The following GAB2 variants were observed in gnomAD, a reference collection of about 807,000 sequenced individuals.
GAB2 encodes the protein GRB2-associated-binding protein 2.
Under a neutral mutation model 65.5 loss-of-function variants are expected in GAB2, and 26 were observed. The ratio of observed to expected loss-of-function variants is 0.40; its 90% CI spans 0.29 to 0.55. The LOEUF is 0.55. Among genes scored for constraint, GAB2 ranks in the 20% least tolerant of loss-of-function variants. The pLI is 0.53. For missense variants in GAB2, 884 were observed against 875.8 expected, an observed-to-expected ratio of 1.01 and a Z score of -0.12; for synonymous variants, 321 against 329.6, an observed-to-expected ratio of 0.97 and a Z score of 0.28.
At chr11:78,252,937 C>T (rs957340594) in intron 2 of GAB2, among the ~76,000 whole-genome samples, 11 of 151,504 alleles carry the variant, frequency 7.3e-5, no homozygotes, top group South Asian at 2.1e-4. Context: ...AACCATGTCA[C>T]GTCATTATGT....
At chr11:78,386,651 A>G (rs1856771876) in intron 1 of GAB2, among the ~76,000 whole-genome samples, 1 of 152,128 alleles carries the variant, frequency 6.6e-6, no homozygotes, top group South Asian at 2.1e-4. Context: ...GTTTTCCAAA[A>G]CTGATTTATT....
rs151282334 is a variant in GAB2, at chr11:78,226,797, A to G, written c.875T>C (p.Val292Ala). The G allele has an allele frequency of 3.5e-5, 56 of 1,613,996 alleles. No individual in the cohort carries two copies. The African/African-American group carries it at 7.1e-4, about 20-fold the overall frequency. ...GTTGCTGGGCGTCTTGAAGGTGTAC[A>G]CATCCTCATTATCTGTCTCGGAGCC... The part of the protein sequence containing the change: ...LTGSETDNED[V>A]YTFKTPSNTL... Residue 292 changes from valine (V) to alanine (A), a missense_variant, in exon 4 of 10, where the codon GTG (valine) becomes GCG (alanine). By Grantham distance (64) the Val-to-Ala change is moderately conservative. Coordinates refer to ENST00000361507, the MANE Select transcript of GAB2 (RefSeq NM_080491.3).
chr11:78,307,614 G>GAGAGAGAGAGAGAGAGAGAGAC lies in GAB2; in HGVS notation c.76-26714_76-26713insGTCTCTCTCTCTCTCTCTCTCT, dbSNP rs1554986625. Among the ~76,000 whole-genome samples the GAGAGAGAGAGAGAGAGAGAGAC allele has an allele frequency of 3.3e-5, 5 of 149,592 alleles. 1 individual carries two copies. Among genetic ancestry groups the GAGAGAGAGAGAGAGAGAGAGAC allele is most frequent in the African/African-American group, 1.3e-4 (5 of 39,372 alleles). On this transcript the variant is annotated intron_variant, in intron 1 of 9. Transcript: ENST00000361507. ...CTCTACAAAAAATGTTAGAGAGAGA[G>GAGAGAGAGAGAGAGAGAGAGAC]AGAGAGAGAGAGAGAGAGAGATGTT...
chr11:78,298,105 T>C (rs1191613059), intron 1 of GAB2, among the ~76,000 whole-genome samples: 4 of 152,174 alleles, frequency 2.6e-5, no homozygotes, highest in African/African-American at 7.2e-5. Context: ...AATAATTGCA[T>C]TGAAGTAGGG....
At chr11:78,395,172 G>A (rs999361230) in intron 1 of GAB2, among the ~76,000 whole-genome samples, 1 of 152,216 alleles carries the variant, frequency 6.6e-6, no homozygotes, top group African/African-American at 2.4e-5. Flanking sequence ...AAATCAACCA[G>A]GCCAGGCGCG....
chr11:78,415,961 T>C (rs1035448302), intron 1 of GAB2, among the ~76,000 whole-genome samples: 2 of 150,094 alleles, frequency 1.3e-5, no homozygotes, highest in African/African-American at 2.5e-5. Context: ...TTTTTTTTAC[T>C]GTGGACACTG....
chr11:78,347,713 C>A (rs1177943840), intron 1 of GAB2, among the ~76,000 whole-genome samples: 1 of 152,112 alleles, frequency 6.6e-6, no homozygotes, highest in African/African-American at 2.4e-5. Flanking sequence ...TCTTTGTGAC[C>A]TTTAAGTAAA....
intron 3 of GAB2, among the ~76,000 whole-genome samples, chr11:78,238,883 G>C (rs564299627): frequency 2.3e-4 from 35 of 152,210 alleles, no homozygotes; most frequent in African/African-American, 7.7e-4. Context: ...TATCTGCTAA[G>C]GGTTTAATAT....
intron 1 of GAB2, among the ~76,000 whole-genome samples, chr11:78,393,304 C>T (rs1219810344): frequency 6.6e-6 from 1 of 152,182 alleles, no homozygotes; most frequent in African/African-American, 2.4e-5. Flanking sequence ...TCCAAGTTCC[C>T]TTATTACAAT....
chr11:78,282,778 A>G (rs1236833356), intron 1 of GAB2, among the ~76,000 whole-genome samples: 3 of 117,146 alleles, frequency 2.6e-5, no homozygotes, highest in Middle Eastern at 0.012. Context: ...GGATTTGATT[A>G]TCACAATTCT....
At chr11:78,321,771 C>T (rs868841315) in intron 1 of GAB2, among the ~76,000 whole-genome samples, 7 of 151,674 alleles carry the variant, frequency 4.6e-5, no homozygotes, top group African/African-American at 1.5e-4. Context: ...ACCAACACAG[C>T]ATGGTATTGT....
intron 1 of GAB2, among the ~76,000 whole-genome samples, chr11:78,325,717 A>G (rs1364778751): frequency 1.3e-5 from 2 of 152,202 alleles, no homozygotes; most frequent in East Asian, 1.9e-4. Flanking sequence ...AAGATCTTAC[A>G]TGACTTAGCA....
chr11:78,332,133 T>A (rs1478766558), intron 1 of GAB2, among the ~76,000 whole-genome samples: 1 of 152,096 alleles, frequency 6.6e-6, no homozygotes, highest in Non-Finnish European at 1.5e-5. Flanking sequence ...ACTTGATTCA[T>A]CCCCAAACTG....
rs562731327 is a variant in GAB2, at chr11:78,370,039, C to A, written c.75+47607G>T. Among the ~76,000 whole-genome samples the A allele has an allele frequency of 1.7e-3, 253 of 152,016 alleles. 1 individual carries two copies. Among genetic ancestry groups the A allele is most frequent in the Non-Finnish European group, 3.2e-3 (214 of 67,912 alleles). On this transcript the variant is annotated intron_variant, in intron 1 of 9. Coordinates refer to ENST00000361507, the MANE Select transcript of GAB2 (RefSeq NM_080491.3). ...TTGGGAGGCCGAGGCGGGCGGATCA[C>A]GAGGTCAGGAGATCGAGACCATCCC...
At chr11:78,297,452 T>C (rs947561113) in intron 1 of GAB2, among the ~76,000 whole-genome samples, 3 of 152,090 alleles carry the variant, frequency 2.0e-5, no homozygotes, top group Non-Finnish European at 2.9e-5. Flanking sequence ...ACTTATTCAG[T>C]TCATAAGCAA....
intron 1 of GAB2, among the ~76,000 whole-genome samples, chr11:78,390,519 G>A (rs1185779376): frequency 1.3e-5 from 2 of 152,176 alleles, no homozygotes; most frequent in Non-Finnish European, 2.9e-5. Flanking sequence ...AACCAGGGAG[G>A]CGGAGGTTGC....
intron 1 of GAB2, among the ~76,000 whole-genome samples, chr11:78,335,790 G>C (rs1274600122): frequency 6.6e-6 from 1 of 152,120 alleles, no homozygotes; most frequent in African/African-American, 2.4e-5. Flanking sequence ...TTGGTATTTT[G>C]ACAGGGAATG....
intron 1 of GAB2, among the ~76,000 whole-genome samples, chr11:78,365,604 T>C (rs1417131453): frequency 6.6e-6 from 1 of 152,094 alleles, no homozygotes; most frequent in Non-Finnish European, 1.5e-5. Flanking sequence ...GTACAGTCAC[T>C]GATTGGGATT....
intron 1 of GAB2, among the ~76,000 whole-genome samples, chr11:78,281,332 G>T (rs977959080): frequency 3.3e-5 from 5 of 151,336 alleles, no homozygotes; most frequent in Non-Finnish European, 7.4e-5. Flanking sequence ...TGCAACCTCC[G>T]CCTCCAGGGT....
Sources: allele counts gnomAD v4.1 joint callset (sites outside exome capture counted in the v4.1 genomes callset), GRCh38; gene constraint gnomAD v4.1.1; transcripts MANE v1.5; gene names NCBI Gene and HGNC (gene_info 2026-07-23, HGNC 2026-07-21).